Variants in FAM227A observed in about 807,000 individuals in gnomAD.
FAM227A encodes the protein protein FAM227A.
Under a neutral mutation model 74.7 loss-of-function variants are expected in FAM227A, and 80 were observed. That is an observed-to-expected ratio of 1.07 (90% confidence interval 0.89 to 1.29). FAM227A has a LOEUF of 1.29. Ranked by LOEUF, FAM227A falls within the 50% of genes most tolerant of loss-of-function variation. The pLI, the probability that FAM227A is intolerant of heterozygous loss-of-function variation, is 0.00. For missense variants in FAM227A, 654 were observed against 683.4 expected (o/e 0.96, Z 0.48); for synonymous variants, 237 against 241.8 (o/e 0.98, Z 0.19).
In FAM227A at chr22:38,580,541, T is replaced by C. The variant is rs559278953; in HGVS notation, c.*5584A>G. On this transcript the variant is annotated 3_prime_UTR_variant, in exon 17 of 17. Coordinates refer to ENST00000535113, the MANE Select transcript of FAM227A (RefSeq NM_001013647.2). ...CTTTTGTGATGTAAGCAGCCATGGA[T>C]AATCAACCTAGATCCATTAATTCAT... is the stretch of plus-strand genomic sequence containing the variant. 4.4e-4 allele frequency: 67 copies of C among 152,334 alleles called. 1 individual carries two copies. The highest frequency in any genetic ancestry group is 3.9e-3 in the Admixed American group (60 of 15,304). 9.4% of individuals were successfully genotyped at this position (152,334 alleles called of 1,614,324 possible).
At chr22:38,613,332 T>C (rs1214063220) in intron 11 of FAM227A, among the ~76,000 whole-genome samples, 1 of 44,656 alleles carries the variant, frequency 2.2e-5, no homozygotes, top group Non-Finnish European at 4.0e-5. Flanking sequence ...ATATCATATA[T>C]AATATATAAC....
chr22:38,578,751 A>G lies in FAM227A; in HGVS notation c.*7374T>C, dbSNP rs1181639621. On this transcript the variant is annotated 3_prime_UTR_variant, in exon 17 of 17. Transcript: ENST00000535113. ...ATCAGTGAGGATTTGTCAATCGGGC[A>G]GGGCGGGAAAGGCAGAAGGAACACA... 6.6e-6 allele frequency: 1 copy of G among 152,258 alleles called. No individual in the cohort carries two copies. The highest frequency in any genetic ancestry group is 1.5e-5 in the Non-Finnish European group (1 of 68,062). 9.4% of individuals were successfully genotyped at this position (152,258 alleles called of 1,614,324 possible).
At chr22:38,649,602 C>T (rs9607563) in intron 2 of FAM227A, among the ~76,000 whole-genome samples, 1 of 147,924 alleles carries the variant, frequency 6.8e-6, no homozygotes, top group Non-Finnish European at 1.5e-5. Context: ...CGAGGTGGCT[C>T]ATGACTGTAA....
chr22:38,635,787 C>A (rs2091991633), intron 6 of FAM227A, among the ~76,000 whole-genome samples: 1 of 152,068 alleles, frequency 6.6e-6, no homozygotes, highest in Admixed American at 6.6e-5. Context: ...ATGGCTTGAG[C>A]CCTGGAGTTG....
intron 16 of FAM227A, among the ~76,000 whole-genome samples, chr22:38,586,696 G>GT (rs760840923): frequency 2.6e-5 from 4 of 152,118 alleles, no homozygotes; most frequent in Non-Finnish European, 5.9e-5. Flanking sequence ...TTGGGACGGA[G>GT]TATCGCTCTG....
intron 13 of FAM227A, 115 bp from the exon 14 acceptor site, chr22:38,600,036 G>T: frequency 1.0e-6 from 1 of 978,252 alleles, no homozygotes; most frequent in Non-Finnish European, 1.4e-6. Context: ...TCCAGTTTTA[G>T]GATGCACCCT....
At position 38,586,160 on chromosome 22, in the gene FAM227A, C is replaced by T. The variant is rs1456916928; in HGVS notation, c.1678G>A (p.Val560Ile). 1.3e-6 allele frequency: 2 copies of T among 1,551,798 alleles called. No homozygotes were observed. Among genetic ancestry groups the T allele is most frequent in the Non-Finnish European group, 1.7e-6 (2 of 1,147,004 alleles). ...GAAGTGAGTGGAAAGAAATGTTCAA[C>T]TTCTGTTTCTCTTCTCTTTCCCTCT... ...GGEGKRRETE[V>I]EHFFPLTSKP The change falls in exon 17 of 17, where the codon GTT becomes ATT. Residue 560 changes from valine (V) to isoleucine (I), a missense_variant. Physicochemically the swap from Val to Ile is conservative, Grantham distance 29 (BLOSUM62 3). Transcript: ENST00000535113.
At chr22:38,629,637 T>C (rs2091877890) in intron 6 of FAM227A, among the ~76,000 whole-genome samples, 1 of 152,242 alleles carries the variant, frequency 6.6e-6, no homozygotes, top group Non-Finnish European at 1.5e-5. Context: ...GCGAGTAGCC[T>C]GGGCCCAGAC....
At chr22:38,609,036 G>A (rs1326731871) in intron 11 of FAM227A, among the ~76,000 whole-genome samples, 1 of 151,184 alleles carries the variant, frequency 6.6e-6, no homozygotes, top group African/African-American at 2.4e-5. Flanking sequence ...CAGGTGATCT[G>A]CCCAACTTGG....
intron 3 of FAM227A, among the ~76,000 whole-genome samples, chr22:38,642,338 AC>A (rs1179996686): frequency 6.6e-6 from 1 of 152,202 alleles, no homozygotes; most frequent in Non-Finnish European, 1.5e-5. Context: ...CAGTGTAGAC[AC>A]CCTGAGAGGT....
rs76820554 is a variant in FAM227A, at chr22:38,635,548, G to A, written c.519+903C>T. Among the ~76,000 whole-genome samples, 8 of 152,190 alleles carry A rather than the reference G, an allele frequency of 5.3e-5. No individual in the cohort carries two copies. In the East Asian group the frequency reaches 1.4e-3, roughly 26 times the overall value. On this transcript the variant is annotated intron_variant, in intron 6 of 16. Coordinates refer to ENST00000535113, the MANE Select transcript of FAM227A (RefSeq NM_001013647.2). ...CTCCAGAGTTGCCAGTGTTTGTGTC[G>A]CCTGAGCAAACAGGTTCCTCTGGGC...
In FAM227A at chr22:38,605,311, CGTA is replaced by C. The variant is rs1569199379; in HGVS notation, c.1161_1163del (p.Thr388del). On this transcript the variant is annotated inframe_deletion, in exon 13 of 17. Coordinates refer to ENST00000535113, the MANE Select transcript of FAM227A (RefSeq NM_001013647.2). ...CTTCTGATATCCTCTTGACTTCTTGCGTAGGTTTCTTCAAGACCAGGGTCTGAC... is the reference window on the plus strand; with the variant it reads ...CTTCTGATATCCTCTTGACTTCTTGCGGTTTCTTCAAGACCAGGGTCTGAC... 6 of 1,551,080 alleles carry C rather than the reference CGTA, an allele frequency of 3.9e-6. No individual in the cohort carries two copies. The highest frequency in any genetic ancestry group is 5.2e-6 in the Non-Finnish European group (6 of 1,146,112).
chr22:38,651,435 G>A (rs571178682), intron 1 of FAM227A, among the ~76,000 whole-genome samples: 5 of 152,166 alleles, frequency 3.3e-5, no homozygotes, highest in Non-Finnish European at 5.9e-5. Flanking sequence ...GTGCAGTGGC[G>A]CGATCTTGGC....
At chr22:38,640,934 C>T (rs1195702150) in intron 3 of FAM227A, among the ~76,000 whole-genome samples, 3 of 151,784 alleles carry the variant, frequency 2.0e-5, no homozygotes, top group Admixed American at 6.6e-5. Context: ...GGTGGGGGGG[C>T]GGTCACAGGG....
chr22:38,604,495 C>G (rs1161874995), intron 13 of FAM227A, among the ~76,000 whole-genome samples: 26 of 152,070 alleles, frequency 1.7e-4, no homozygotes. Flanking sequence ...CTACCATCCA[C>G]TGAGGTTTGT....
At chr22:38,623,819 T>C (rs2091742167) in intron 9 of FAM227A, among the ~76,000 whole-genome samples, 1 of 152,206 alleles carries the variant, frequency 6.6e-6, no homozygotes, top group South Asian at 2.1e-4. Context: ...AGTAGGTGCT[T>C]AGTAAATGTT....
chr22:38,644,730 A>G (rs1437489192), intron 3 of FAM227A, among the ~76,000 whole-genome samples: 1 of 152,204 alleles, frequency 6.6e-6, no homozygotes, highest in African/African-American at 2.4e-5. Flanking sequence ...GCGCAGGAGC[A>G]GAGGGTGTAT....
At chr22:38,615,732 T>C (rs377461937) in intron 11 of FAM227A, among the ~76,000 whole-genome samples, 1 of 152,164 alleles carries the variant, frequency 6.6e-6, no homozygotes, top group Non-Finnish European at 1.5e-5. Context: ...GAAGAAGTTA[T>C]TGGAGGTTTT....
At chr22:38,626,837 C>T (rs2091811360) in intron 8 of FAM227A, among the ~76,000 whole-genome samples, 1 of 119,240 alleles carries the variant, frequency 8.4e-6, no homozygotes, top group Non-Finnish European at 1.6e-5. Context: ...CCGTGCACTC[C>T]AGCCTGGGCG....
Sources: gnomAD v4.1 joint callset for allele counts (sites outside exome capture counted in the v4.1 genomes callset) on GRCh38, gnomAD v4.1.1 for gene constraint, MANE v1.5 for transcripts, NCBI Gene and HGNC (gene_info 2026-07-23, HGNC 2026-07-21) for gene names.